The following CRYBG1 variants were observed in gnomAD, a reference collection of about 807,000 sequenced individuals.
CRYBG1 encodes crystallin beta-gamma domain containing 1.
CRYBG1 carries 139 observed loss-of-function variants against 189.2 expected under a neutral mutation model. The ratio of observed to expected loss-of-function variants is 0.73; its 90% CI spans 0.64 to 0.85. CRYBG1 has a LOEUF of 0.85. Ranked by LOEUF, CRYBG1 falls within the 40% of genes least tolerant of loss-of-function variation. The pLI is 0.00. For missense variants in CRYBG1, 2,611 were observed against 2,675.8 expected (o/e 0.98, Z 0.53); for synonymous variants, 1,023 against 1,017.1 (o/e 1.01, Z -0.11).
intron 1 of CRYBG1, among the ~76,000 whole-genome samples, chr6:106,450,118 T>C (rs1771751665): frequency 6.6e-6 from 1 of 151,342 alleles, no homozygotes; most frequent in Non-Finnish European, 1.5e-5. Flanking sequence ...TCCCAGCTGC[T>C]GAGGCAGGAG....
chr6:106,369,415 C>A (rs943261556), intron 1 of CRYBG1, among the ~76,000 whole-genome samples: 1 of 152,138 alleles, frequency 6.6e-6, no homozygotes, highest in Non-Finnish European at 1.5e-5. Context: ...AGCTAGCAAC[C>A]CTAACTGAGT....
intron 1 of CRYBG1, among the ~76,000 whole-genome samples, chr6:106,424,304 A>C (rs1444205678): frequency 6.6e-6 from 1 of 152,196 alleles, no homozygotes; most frequent in Non-Finnish European, 1.5e-5. Context: ...TCAAACAAAA[A>C]TACAAACATT....
At chr6:106,564,414 G>A (rs1562122229) in intron 21 of CRYBG1, among the ~76,000 whole-genome samples, 1 of 152,188 alleles carries the variant, frequency 6.6e-6, no homozygotes, top group Non-Finnish European at 1.5e-5. Flanking sequence ...GATCTCAAAG[G>A]AATTAACACA....
intron 3 of CRYBG1, among the ~76,000 whole-genome samples, chr6:106,517,415 T>G (rs1027244504): frequency 8.4e-6 from 1 of 119,676 alleles, no homozygotes. Flanking sequence ...CACACACATA[T>G]ATACACATAT....
chr6:106,440,560 C>A (rs1244262661), intron 1 of CRYBG1, among the ~76,000 whole-genome samples: 1 of 152,198 alleles, frequency 6.6e-6, no homozygotes, highest in Non-Finnish European at 1.5e-5. Flanking sequence ...AGCCACTGCA[C>A]CCGGCCCCTT....
At chr6:106,445,015 CAA>C (rs1771639957) in intron 1 of CRYBG1, among the ~76,000 whole-genome samples, 1 of 152,106 alleles carries the variant, frequency 6.6e-6, no homozygotes, top group South Asian at 2.1e-4. Flanking sequence ...CAAAAACCAT[CAA>C]AGTGCCCAGG....
At chr6:106,466,910 C>T (rs899948621) in intron 2 of CRYBG1, among the ~76,000 whole-genome samples, 1 of 152,144 alleles carries the variant, frequency 6.6e-6, no homozygotes, top group Non-Finnish European at 1.5e-5. Context: ...TGAAATATTT[C>T]AGAGATGGCA....
intron 2 of CRYBG1, among the ~76,000 whole-genome samples, chr6:106,454,363 C>A (rs995933935): frequency 1.3e-5 from 2 of 152,026 alleles, no homozygotes; most frequent in Non-Finnish European, 2.9e-5. Flanking sequence ...ACCTACCCAC[C>A]CACACACACA....
intron 18 of CRYBG1, among the ~76,000 whole-genome samples, chr6:106,559,892 C>G (rs1401409065): frequency 2.6e-5 from 4 of 152,048 alleles, no homozygotes; most frequent in African/African-American, 9.7e-5. Context: ...CCCAGCAGTT[C>G]CAGACAAGCC....
chr6:106,363,125 T>G (rs151035930), intron 1 of CRYBG1, among the ~76,000 whole-genome samples: 3,261 of 149,472 alleles, frequency 0.022, 51 homozygotes, highest in South Asian at 0.06. Flanking sequence ...GCGCCTGTAG[T>G]CCCAGCTACA....
At position 106,553,693 on chromosome 6, in the gene CRYBG1, G is replaced by A. The variant is rs147712157; in HGVS notation, c.5585+126G>A. On this transcript the variant is annotated intron_variant, in intron 16 of 21. Transcript: ENST00000633556. Reference sequence around the variant, plus strand: ...GCGAAACCACCATCTTAGTCCAATGGCGTGCTTCGTGATATCTGAGTACCA... The same window carrying A: ...GCGAAACCACCATCTTAGTCCAATGACGTGCTTCGTGATATCTGAGTACCA... 4,100 of 701,176 alleles carry A rather than the reference G, an allele frequency of 5.8e-3. 18 individuals are homozygous for A. Among genetic ancestry groups the A allele is most frequent in the Non-Finnish European group, 7.7e-3 (3,073 of 396,848 alleles). 43.4% of individuals were successfully genotyped at this position (701,176 alleles called of 1,614,324 possible). A position where few individuals can be genotyped will look rare whatever the true frequency, so the allele number is the denominator to read the frequency against.
At chr6:106,381,246 T>C (rs1770281977) in intron 1 of CRYBG1, among the ~76,000 whole-genome samples, 1 of 152,236 alleles carries the variant, frequency 6.6e-6, no homozygotes, top group Admixed American at 6.5e-5. Flanking sequence ...GGCTTCTTTG[T>C]AGTCATAATG....
At chr6:106,467,322 A>T (rs1276263509) in intron 2 of CRYBG1, among the ~76,000 whole-genome samples, 1 of 151,872 alleles carries the variant, frequency 6.6e-6, no homozygotes, top group Non-Finnish European at 1.5e-5. Flanking sequence ...AACTAAAAAA[A>T]TTAGCCTGAT....
intron 9 of CRYBG1, among the ~76,000 whole-genome samples, chr6:106,539,786 G>A (rs1442425699): frequency 1.3e-5 from 2 of 151,506 alleles, no homozygotes; most frequent in East Asian, 1.9e-4. Context: ...AGATGGGTGC[G>A]CAAAGCTTCA....
At chr6:106,549,837 G>C (rs1016953668) in intron 13 of CRYBG1, among the ~76,000 whole-genome samples, 6 of 152,092 alleles carry the variant, frequency 3.9e-5, no homozygotes, top group Admixed American at 2.6e-4. Context: ...CTGTACTTGA[G>C]TTTTTGTTTA....
chr6:106,523,347 A>G (rs1773653619), intron 4 of CRYBG1, among the ~76,000 whole-genome samples: 3 of 152,298 alleles, frequency 2.0e-5, no homozygotes, highest in African/African-American at 7.2e-5. Flanking sequence ...ATTTCTCTCA[A>G]GCACAAAATT....
rs779307555 is a variant in CRYBG1 at position 106,521,352 on chromosome 6, C to T, written c.4144C>T (p.Pro1382Ser). The change falls in exon 4 of 22, where the codon CCA (proline) becomes TCA (serine). Residue 1382 changes from proline (P) to serine (S), a missense_variant. Physicochemically the swap from Pro to Ser is moderately conservative, Grantham distance 74. This residue lies in a region of CRYBG1 where 1,622 missense variants were observed against 1,735.0 expected (regional missense o/e 0.93). Coordinates refer to ENST00000633556, the MANE Select transcript of CRYBG1 (RefSeq NM_001371242.2). ...TGAAAGTGTTATTAAATCAAACTTG[C>T]CAAACTGTGCAAACAGTGACACCGA... Reference protein sequence around the residue: ...HIESVIKSNLPNCANSDTDFM... With the variant: ...HIESVIKSNLSNCANSDTDFM... The T allele has an allele frequency of 5.6e-6, 9 of 1,613,960 alleles. No homozygotes were observed. Among genetic ancestry groups the T allele is most frequent in the African/African-American group, 1.3e-5 (1 of 74,906 alleles).
intron 1 of CRYBG1, among the ~76,000 whole-genome samples, chr6:106,413,961 T>G (rs1469272773): frequency 2.0e-5 from 3 of 152,206 alleles, no homozygotes; most frequent in Non-Finnish European, 4.4e-5. Context: ...TTACATTAAT[T>G]CCAGAGTTGC....
At chr6:106,449,205 T>C (rs952067313) in intron 1 of CRYBG1, among the ~76,000 whole-genome samples, 1 of 152,200 alleles carries the variant, frequency 6.6e-6, no homozygotes, top group African/African-American at 2.4e-5. Flanking sequence ...AGGTCTTTTT[T>C]GGAGTGCCCG....
Sources: allele counts gnomAD v4.1 joint callset (sites outside exome capture counted in the v4.1 genomes callset), GRCh38; gene constraint gnomAD v4.1.1; regional missense constraint gnomAD v4.1.1; transcripts MANE v1.5; gene names NCBI Gene and HGNC (gene_info 2026-07-23, HGNC 2026-07-21).